CUL3: variants seen among roughly 807,000 people sequenced by gnomAD.
CUL3 encodes cullin 3.
Under a neutral mutation model 89.1 loss-of-function variants are expected in CUL3, and 19 were observed. That is an observed-to-expected ratio of 0.21 (90% CI 0.15 to 0.31). CUL3 has a LOEUF of 0.31. Ranked by LOEUF, CUL3 falls within the 10% of genes least tolerant of loss-of-function variation. The pLI is 1.00. For synonymous variants in CUL3, 351 were observed against 308.4 expected (o/e 1.14, Z -1.45); for missense variants, 469 against 942.3 (o/e 0.50, Z 6.58).
Position 224,557,876 on chromosome 2 carries a change from G to GAAAAAAA in CUL3, c.67-21_67-20insTTTTTTT. 2.0e-5 allele frequency: 3 copies of GAAAAAAA among 146,614 alleles called. No homozygotes were observed. Among genetic ancestry groups the GAAAAAAA allele is most frequent in the South Asian group, 7.5e-5 (1 of 13,270 alleles). The allele number at this position is 146,614 out of a possible 1,614,324, so 9.1% of individuals were successfully genotyped here. On this transcript the variant is annotated intron_variant, in intron 1 of 15. Coordinates refer to ENST00000264414, the MANE Select transcript of CUL3 (RefSeq NM_003590.5). Reference sequence around the variant, plus strand: ...GGTCATCTGTAATATCCAAGAGAGAGAAGAGACAAAAAAAAAAAAAAAAAA... The same window carrying GAAAAAAA: ...GGTCATCTGTAATATCCAAGAGAGAGAAAAAAAAAGAGACAAAAAAAAAAAAAAAAAA...
Position 224,486,481 on chromosome 2 carries a change from C to T in CUL3, c.1843-4403G>A, listed in dbSNP as rs192149942. On this transcript the variant is annotated intron_variant, in intron 13 of 15. Transcript: ENST00000264414. ...AACTTCGTGAAGCACACACAAGTAT[C>T]AACAGCCAAATCGATCAAGCAGAAG... Among the ~76,000 whole-genome samples the T allele has an allele frequency of 3.0e-3, 451 of 151,904 alleles. 2 individuals carry two copies. Among genetic ancestry groups the T allele is most frequent in the African/African-American group, 0.01 (424 of 41,414 alleles).
chr2:224,581,407 AAAG>A lies in CUL3; in HGVS notation c.66+3534_66+3536del, dbSNP rs1223408285. Among the ~76,000 whole-genome samples, 3 of 152,228 alleles carry A rather than the reference AAAG, an allele frequency of 2.0e-5. No individual in the cohort carries two copies. In the East Asian group the frequency reaches 5.8e-4, roughly 29 times the overall value. On this transcript the variant is annotated intron_variant, in intron 1 of 15. Coordinates refer to ENST00000264414, the MANE Select transcript of CUL3 (RefSeq NM_003590.5). The stretch of plus-strand genomic sequence containing the variant: ...CGAGTTTCCATCTCAAAAAAAAAAA[AAAG>A]AGGTGATTATGTGTTAGCTTGATGG...
chr2:224,549,569 A>C (rs1461666277), intron 2 of CUL3, among the ~76,000 whole-genome samples: 1 of 152,170 alleles, frequency 6.6e-6, no homozygotes, highest in African/African-American at 2.4e-5. Context: ...ATTAAGTACC[A>C]ATGCTCAGTT....
At chr2:224,572,369 G>T (rs780799353) in intron 1 of CUL3, among the ~76,000 whole-genome samples, 99 of 152,130 alleles carry the variant, frequency 6.5e-4, no homozygotes, top group Admixed American at 2.6e-3. Context: ...GGCAATGCAG[G>T]TGCAGCAGCT....
At chr2:224,525,059 C>G (rs1189782082) in intron 3 of CUL3, among the ~76,000 whole-genome samples, 1 of 143,638 alleles carries the variant, frequency 7.0e-6, no homozygotes, top group South Asian at 2.2e-4. Flanking sequence ...ACAGATGAGA[C>G]AGAAAAAAAA....
intron 1 of CUL3, among the ~76,000 whole-genome samples, chr2:224,582,632 C>A (rs1695467263): frequency 6.6e-6 from 1 of 152,156 alleles, no homozygotes; most frequent in Admixed American, 6.5e-5. Flanking sequence ...CAGAATGGAT[C>A]CAAATTAGCT....
intron 10 of CUL3, among the ~76,000 whole-genome samples, chr2:224,501,337 G>A (rs1692380848): frequency 6.6e-6 from 1 of 152,136 alleles, no homozygotes; most frequent in Non-Finnish European, 1.5e-5. Flanking sequence ...TACAGAGCAG[G>A]TGCTCTACAA....
At chr2:224,495,784 G>C (rs555533253) in intron 13 of CUL3, 48 bp downstream of exon 13, 1 of 1,499,258 alleles carries the variant, frequency 6.7e-7, no homozygotes, top group African/African-American at 1.4e-5. Context: ...AGTAACAAGT[G>C]AGAGTTAGAA....
In CUL3 at chr2:224,478,352, T is replaced by C. The variant is rs770786599; in HGVS notation, c.2030-7A>G. On this transcript the variant is annotated splice_region_variant and splice_polypyrimidine_tract_variant and intron_variant, in intron 14 of 15. Transcript: ENST00000264414. ...TCACCTTGTTTGGCAGCAACTAAAA[T>C]AGAAATAAAGACATTTATCATAAAT... The C allele has an allele frequency of 6.2e-7, 1 of 1,604,622 alleles. No homozygotes were observed.
intron 15 of CUL3, among the ~76,000 whole-genome samples, chr2:224,477,298 G>A (rs1049097821): frequency 6.6e-6 from 1 of 152,152 alleles, no homozygotes; most frequent in African/African-American, 2.4e-5. Flanking sequence ...TGAGTTCCCA[G>A]GTGATGCTAA....
At chr2:224,475,707 G>A (rs1185735419) in intron 15 of CUL3, among the ~76,000 whole-genome samples, 1 of 151,862 alleles carries the variant, frequency 6.6e-6, no homozygotes, top group Admixed American at 6.6e-5. Flanking sequence ...AGCTCCTATC[G>A]ACTTGCTCCC....
Position 224,506,437 on chromosome 2 carries a change from A to T in CUL3, c.1030-305T>A, listed in dbSNP as rs561609703. ...GCCAGTGAAAAAAATTAGCTTAAAA[A>T]ATGTACCAAAAAAAGCTGATTATGT... On this transcript the variant is annotated intron_variant, in intron 7 of 15. Coordinates refer to ENST00000264414, the MANE Select transcript of CUL3 (RefSeq NM_003590.5). 8.3e-4 allele frequency among the ~76,000 whole-genome samples: 126 copies of T among 152,292 alleles called. 1 individual carries two copies. Among genetic ancestry groups the T allele is most frequent in the African/African-American group, 2.8e-3 (118 of 41,562 alleles).
chr2:224,482,072 G>C lies in CUL3; in HGVS notation c.1849C>G (p.Gln617Glu), dbSNP rs969388164. ...CTTTCAGGGATATCTGTCTCTTGCT[G>C]AATTTCCTGAAATTTCATCAGATTA... ...NREKYTFEEI[Q>E]QETDIPEREL... The change falls in exon 14 of 16, where the codon CAG becomes GAG. Residue 617 changes from glutamine to glutamate, a missense_variant. Transcript: ENST00000264414. 1.3e-6 allele frequency: 2 copies of C among 1,586,770 alleles called. No homozygotes were observed. Among genetic ancestry groups the C allele is most frequent in the Non-Finnish European group, 1.7e-6 (2 of 1,170,676 alleles).
intron 14 of CUL3, 86 bp from the exon 15 acceptor site, chr2:224,478,431 CA>C (rs1175656914): frequency 7.6e-7 from 1 of 1,320,264 alleles, no homozygotes; most frequent in African/African-American, 1.5e-5. Context: ...ATGTAATCCA[CA>C]GATAAAAACC....
chr2:224,536,683 C>A (rs185130723), intron 2 of CUL3, among the ~76,000 whole-genome samples: 1 of 152,104 alleles, frequency 6.6e-6, no homozygotes, highest in Non-Finnish European at 1.5e-5. Context: ...AATGTCTTTC[C>A]AATCCAACCC....
At chr2:224,483,510 A>G (rs1205839438) in intron 13 of CUL3, among the ~76,000 whole-genome samples, 2 of 152,184 alleles carry the variant, frequency 1.3e-5, no homozygotes, top group African/African-American at 4.8e-5. Context: ...TATCTTTACT[A>G]TTACTATTTT....
rs534714942 is a variant in CUL3 at position 224,529,376 on chromosome 2, G to C, written c.378+6152C>G. Among the ~76,000 whole-genome samples the C allele has an allele frequency of 6.6e-5, 10 of 151,918 alleles. No homozygotes were observed. In the South Asian group the frequency reaches 1.9e-3, roughly 28 times the overall value. ...CTCACGCCTGTAATCCCAGTACTTT[G>C]GGAGGCCGAGGTAGGCAGATCACGA... On this transcript the variant is annotated intron_variant, in intron 3 of 15. Transcript: ENST00000264414.
intron 3 of CUL3, among the ~76,000 whole-genome samples, chr2:224,516,658 T>G (rs1204758163): frequency 6.8e-6 from 1 of 147,276 alleles, no homozygotes; most frequent in African/African-American, 2.7e-5. Flanking sequence ...TTGTTTTTTG[T>G]TTTTTTTGAG....
intron 13 of CUL3, 144 bp from the exon 14 acceptor site, chr2:224,482,222 T>C (rs1280931967): frequency 3.6e-6 from 2 of 548,024 alleles, no homozygotes; most frequent in East Asian, 3.3e-5. Flanking sequence ...TTGAGTACTA[T>C]GACACATCAT....
Sources: gnomAD v4.1 joint callset for allele counts (sites outside exome capture counted in the v4.1 genomes callset) on GRCh38, gnomAD v4.1.1 for gene constraint, MANE v1.5 for transcripts, NCBI Gene and HGNC (gene_info 2026-07-23, HGNC 2026-07-21) for gene names.